Variants in CACNA2D2 observed in about 807,000 individuals in gnomAD.
The protein encoded by CACNA2D2 is voltage-dependent calcium channel subunit alpha-2/delta-2.
CACNA2D2 carries 48 observed loss-of-function variants against 166.4 expected under a neutral mutation model. The ratio of observed to expected loss-of-function variants is 0.29; its 90% CI spans 0.23 to 0.37. The LOEUF is 0.37. Ranked by LOEUF, CACNA2D2 falls within the 10% of genes least tolerant of loss-of-function variation. The probability of loss-of-function intolerance (pLI) is 1.00; values close to 1 mark genes in which losing one functional copy is unlikely to be tolerated. For missense variants in CACNA2D2, 1,122 were observed against 1,433.0 expected (o/e 0.78, Z 3.50); for synonymous variants, 561 against 573.7 (o/e 0.98, Z 0.32).
At chr3:50,434,919 C>A (rs1320709967) in intron 2 of CACNA2D2, among the ~76,000 whole-genome samples, 1 of 152,246 alleles carries the variant, frequency 6.6e-6, no homozygotes, top group Non-Finnish European at 1.5e-5. Context: ...GCTGCTCAGG[C>A]ATCTGGACCC....
chr3:50,398,017 T>C (rs1706246731), intron 3 of CACNA2D2, among the ~76,000 whole-genome samples: 1 of 147,250 alleles, frequency 6.8e-6, no homozygotes, highest in Non-Finnish European at 1.5e-5. Context: ...TGGAGGTTCA[T>C]CCCTCCTAGC....
intron 1 of CACNA2D2, among the ~76,000 whole-genome samples, chr3:50,497,829 GAAGCAAAAAA>G (rs1456442229): frequency 6.6e-6 from 1 of 151,906 alleles, no homozygotes; most frequent in African/African-American, 2.4e-5. Flanking sequence ...GAGAAGAAGG[GAAGCAAAAAA>G]AAGCAAAAAC....
At chr3:50,392,490 C>T (rs1575619494) in intron 4 of CACNA2D2, among the ~76,000 whole-genome samples, 1 of 152,158 alleles carries the variant, frequency 6.6e-6, no homozygotes, top group South Asian at 2.1e-4. Flanking sequence ...TGAACAAGGC[C>T]GGGCCCAGGT....
intron 2 of CACNA2D2, among the ~76,000 whole-genome samples, chr3:50,461,706 A>G (rs1398869964): frequency 6.7e-6 from 1 of 148,176 alleles, no homozygotes; most frequent in Non-Finnish European, 1.5e-5. Flanking sequence ...GGTTGCGGTG[A>G]GCCGAGATCA....
intron 1 of CACNA2D2, among the ~76,000 whole-genome samples, chr3:50,478,238 C>T (rs1697884447): frequency 6.6e-6 from 1 of 152,186 alleles, no homozygotes; most frequent in Non-Finnish European, 1.5e-5. Context: ...CTGGGGAGGG[C>T]AAAGGGCAGC....
chr3:50,397,093 C>A (rs1706198435), intron 3 of CACNA2D2, among the ~76,000 whole-genome samples: 1 of 152,188 alleles, frequency 6.6e-6, no homozygotes, highest in Non-Finnish European at 1.5e-5. Flanking sequence ...ACAGGCCCCT[C>A]TGGCTCCAGA....
chr3:50,476,231 AG>A, intron 1 of CACNA2D2, 32 bp from the exon 2 acceptor site: 1 of 1,543,952 alleles, frequency 6.5e-7, no homozygotes, highest in Non-Finnish European at 8.8e-7. Flanking sequence ...AGGTGTCAGG[AG>A]GGCCTGCCCA....
At chr3:50,458,644 CA>C (rs1214167061) in intron 2 of CACNA2D2, among the ~76,000 whole-genome samples, 1 of 152,230 alleles carries the variant, frequency 6.6e-6, no homozygotes, top group African/African-American at 2.4e-5. Context: ...TTTCTTTCCC[CA>C]AACTCCCTGG....
chr3:50,391,451 T>C (rs1705888114), intron 4 of CACNA2D2, among the ~76,000 whole-genome samples: 1 of 152,222 alleles, frequency 6.6e-6, no homozygotes, highest in Non-Finnish European at 1.5e-5. Context: ...CCTCTTCATC[T>C]ATCCTAAGTG....
At position 50,434,403 on chromosome 3, in the gene CACNA2D2, G is replaced by T. The variant is rs757250670; in HGVS notation, c.315C>A (p.Phe105Leu). The change falls in exon 3 of 38, where the codon TTC becomes TTA. Residue 105 changes from phenylalanine to leucine, a missense_variant. Physicochemically the swap from Phe to Leu is conservative, Grantham distance 22. Around this residue, in one of 2 missense-constraint regions of CACNA2D2, gnomAD observed 840 missense variants for 1,166.8 expected, o/e 0.72. Transcript: ENST00000424201. ...REIYKDNRNL[F>L]EVQENEPQKL... ...TCTGAGGCTCATTCTCCTGTACCTC[G>T]AACAGGTTCCGGTTGTCCTTGTAAA... The T allele has an allele frequency of 6.2e-7, 1 of 1,614,050 alleles. No homozygotes were observed. Among genetic ancestry groups the T allele is most frequent in the South Asian group, 1.1e-5 (1 of 91,060 alleles).
At chr3:50,457,539 G>C (rs1448388187) in intron 2 of CACNA2D2, among the ~76,000 whole-genome samples, 1 of 152,086 alleles carries the variant, frequency 6.6e-6, no homozygotes, top group Non-Finnish European at 1.5e-5. Flanking sequence ...CCTTGGCTCC[G>C]CAGTCCATCC....
At chr3:50,480,164 C>A (rs1275788843) in intron 1 of CACNA2D2, among the ~76,000 whole-genome samples, 1 of 152,140 alleles carries the variant, frequency 6.6e-6, no homozygotes, top group Non-Finnish European at 1.5e-5. Flanking sequence ...TAAAGAGAAA[C>A]AGACTTGTCC....
intron 1 of CACNA2D2, among the ~76,000 whole-genome samples, chr3:50,488,584 C>T (rs1397462700): frequency 6.6e-6 from 1 of 150,670 alleles, no homozygotes; most frequent in Non-Finnish European, 1.5e-5. Context: ...CCCCACCCCC[C>T]ACACCTCTTC....
chr3:50,435,346 C>A (rs749790106), intron 2 of CACNA2D2, among the ~76,000 whole-genome samples: 33 of 151,858 alleles, frequency 2.2e-4, no homozygotes, highest in Admixed American at 4.6e-4. Flanking sequence ...TCACATACTG[C>A]TGCATGTGTC....
chr3:50,468,380 AGTGT>A (rs3220659), intron 2 of CACNA2D2, among the ~76,000 whole-genome samples: 6,445 of 82,716 alleles, frequency 0.078, 198 homozygotes, highest in Admixed American at 0.12. Context: ...TCATCAGAAT[AGTGT>A]GTGTGTGTGT....
At chr3:50,456,665 T>C (rs945961460) in intron 2 of CACNA2D2, among the ~76,000 whole-genome samples, 1 of 152,164 alleles carries the variant, frequency 6.6e-6, no homozygotes, top group African/African-American at 2.4e-5. Context: ...CCTTTCTCAC[T>C]CAGTCCTACT....
rs938427314 is a variant in CACNA2D2, at chr3:50,463,987, C to T, written c.288+12131G>A. Among the ~76,000 whole-genome samples the T allele has an allele frequency of 3.9e-5, 6 of 152,204 alleles. No individual in the cohort carries two copies. In the East Asian group the frequency reaches 5.8e-4, roughly 15 times the overall value. The stretch of plus-strand genomic sequence containing the variant: ...TGAATCCAGACGCCCTGGGTGGGCT[C>T]GGTTGCCTCTGCAGATCATGCAGAG... On this transcript the variant is annotated intron_variant, in intron 2 of 37. Transcript: ENST00000424201.
chr3:50,497,649 A>C (rs1260988503), intron 1 of CACNA2D2, among the ~76,000 whole-genome samples: 1 of 152,108 alleles, frequency 6.6e-6, no homozygotes, highest in Non-Finnish European at 1.5e-5. Context: ...TCCTGACCTT[A>C]TGTAGATTTG....
chr3:50,458,841 G>A (rs916904929), intron 2 of CACNA2D2, among the ~76,000 whole-genome samples: 5 of 152,258 alleles, frequency 3.3e-5, no homozygotes, highest in African/African-American at 4.8e-5. Flanking sequence ...GCTAGGTCCT[G>A]AAACCCCAGC....
Sources: gnomAD v4.1 joint callset for allele counts (sites outside exome capture counted in the v4.1 genomes callset) on GRCh38, gnomAD v4.1.1 for gene constraint, gnomAD v4.1.1 regional missense constraint, MANE v1.5 for transcripts, NCBI Gene and HGNC (gene_info 2026-07-23, HGNC 2026-07-21) for gene names.